Variants in AADACL2 observed in about 807,000 individuals in gnomAD.
The protein encoded by AADACL2 is arylacetamide deacetylase-like 2.
In AADACL2, 23 loss-of-function variants were observed where a neutral mutation model predicts 22.3. That is an observed-to-expected ratio of 1.03 (90% CI 0.74 to 1.46). AADACL2 has a LOEUF of 1.46. Ranked by LOEUF, AADACL2 falls within the 40% of genes most tolerant of loss-of-function variation. The pLI, the probability that AADACL2 is intolerant of heterozygous loss-of-function variation, is 0.00. For synonymous variants in AADACL2, 177 were observed against 166.2 expected (o/e 1.07, Z -0.50); for missense variants, 472 against 482.9 (o/e 0.98, Z 0.21).
intron 4 of AADACL2, among the ~76,000 whole-genome samples, chr3:151,748,897 G>A (rs1430083095): frequency 6.6e-6 from 1 of 152,082 alleles, no homozygotes; most frequent in Non-Finnish European, 1.5e-5. Flanking sequence ...CTGTTCCATT[G>A]GTCTATATGT....
intron 3 of AADACL2, among the ~76,000 whole-genome samples, chr3:151,744,675 A>G (rs1257106856): frequency 6.6e-6 from 1 of 152,222 alleles, no homozygotes; most frequent in Non-Finnish European, 1.5e-5. Context: ...TTTTAAATAA[A>G]GATACCAACA....
rs1440006824 is a variant in AADACL2 at position 151,758,465 on chromosome 3, TA to T, written c.*873del. ...TTTCCCCACCCTTTTCTATATAAAG[TA>T]ACCTTCAGAGATTAGGATGTAGTTA... is the stretch of plus-strand genomic sequence containing the variant. On this transcript the variant is annotated 3_prime_UTR_variant, in exon 5 of 5. Transcript: ENST00000356517. The T allele has an allele frequency of 2.0e-5, 3 of 152,116 alleles. No homozygotes were observed. The highest frequency in any genetic ancestry group is 7.2e-5 in the African/African-American group (3 of 41,436). The allele number at this position is 152,116 out of a possible 1,614,324, so 9.4% of individuals were successfully genotyped here.
chr3:151,734,245 T>A, intron 1 of AADACL2, 72 bp downstream of exon 1: 1 of 1,474,914 alleles, frequency 6.8e-7, no homozygotes, highest in Non-Finnish European at 9.1e-7. Flanking sequence ...GCTTATGAAC[T>A]CTTTTATTAA....
chr3:151,740,692 T>C lies in AADACL2; in HGVS notation c.185T>C (p.Ile62Thr), dbSNP rs758722784. 1.6e-5 allele frequency: 26 copies of C among 1,613,728 alleles called. No homozygotes were observed. Among genetic ancestry groups the C allele is most frequent in the Non-Finnish European group, 1.9e-5 (22 of 1,179,838 alleles). ...NMRIMRYEEF[I>T]SMIFRLDYTQ... ...CGTATTATGAGATATGAAGAGTTTATATCCATGATATTCAGGCTGGATTAT... is the reference window on the plus strand; with the variant it reads ...CGTATTATGAGATATGAAGAGTTTACATCCATGATATTCAGGCTGGATTAT... The change falls in exon 2 of 5, where the codon ATA (isoleucine) becomes ACA (threonine). Residue 62 changes from isoleucine (I) to threonine (T), a missense_variant. By Grantham distance (89) the Ile-to-Thr change is moderately conservative. Around this residue, in one of 3 missense-constraint regions of AADACL2, gnomAD observed 356 missense variants for 365.5 expected, o/e 0.97. Transcript: ENST00000356517.
intron 3 of AADACL2, 80 bp downstream of exon 3, chr3:151,744,242 G>A (rs768012081): frequency 2.3e-6 from 3 of 1,295,322 alleles, no homozygotes; most frequent in Non-Finnish European, 2.2e-6. Context: ...AGTCAGCTAT[G>A]CTTCAAATAT....
chr3:151,745,827 C>T (rs1713426054), intron 4 of AADACL2, 147 bp downstream of exon 4: 2 of 850,666 alleles, frequency 2.4e-6, no homozygotes, highest in Admixed American at 6.6e-5. Flanking sequence ...ATTTATTTAA[C>T]CTTAATGTGA....
At chr3:151,756,888 A>G (rs1326864690) in intron 4 of AADACL2, 104 bp from the exon 5 acceptor site, 2 of 999,368 alleles carry the variant, frequency 2.0e-6, no homozygotes, top group Non-Finnish European at 2.7e-6. Flanking sequence ...CATCACATCA[A>G]TTTATGTAGA....
Position 151,733,952 on chromosome 3 carries a change from C to A in AADACL2, c.-84C>A. 7.2e-7 allele frequency: 1 copy of A among 1,395,128 alleles called. No homozygotes were observed. The highest frequency in any genetic ancestry group is 9.6e-7 in the Non-Finnish European group (1 of 1,041,612). 86.4% of individuals were successfully genotyped at this position (1,395,128 alleles called of 1,614,324 possible). A position where few individuals can be genotyped will look rare whatever the true frequency, so the allele number is the denominator to read the frequency against. On this transcript the variant is annotated 5_prime_UTR_variant, in exon 1 of 5. Coordinates refer to ENST00000356517, the MANE Select transcript of AADACL2 (RefSeq NM_207365.4). ...ATATCACCTGAGAGAGTTCCCAAGT[C>A]TACAATTGCTCTACTAGTTACTATT...
intron 2 of AADACL2, among the ~76,000 whole-genome samples, chr3:151,743,562 C>G (rs779017313): frequency 2.0e-5 from 3 of 152,172 alleles, no homozygotes; most frequent in African/African-American, 7.2e-5. Flanking sequence ...TAGACTCTGT[C>G]TTAATGCCAA....
At position 151,759,670 on chromosome 3, in the gene AADACL2, T is replaced by C. The variant is rs1714080691; in HGVS notation, c.*2076T>C. The C allele has an allele frequency of 6.6e-6, 1 of 152,246 alleles. No individual in the cohort carries two copies. The highest frequency in any genetic ancestry group is 1.5e-5 in the Non-Finnish European group (1 of 68,040). 9.4% of individuals were successfully genotyped at this position (152,246 alleles called of 1,614,324 possible). A position where few individuals can be genotyped will look rare whatever the true frequency, so the allele number is the denominator to read the frequency against. On this transcript the variant is annotated 3_prime_UTR_variant, in exon 5 of 5. Transcript: ENST00000356517. ...TAAGGTAGGCCAGTCAATCCTTTTT[T>C]ATTTATTTTGTAAATTTGGTCCCAG...
At chr3:151,744,952 T>C (rs1713391164) in intron 3 of AADACL2, among the ~76,000 whole-genome samples, 1 of 152,170 alleles carries the variant, frequency 6.6e-6, no homozygotes, top group African/African-American at 2.4e-5. Context: ...CAAATGAATT[T>C]ACCAGAAATA....
Position 151,760,570 on chromosome 3 carries a change from G to A in AADACL2, c.*2976G>A, listed in dbSNP as rs1274888660. 6.6e-6 allele frequency: 1 copy of A among 152,382 alleles called. No individual in the cohort carries two copies. The highest frequency in any genetic ancestry group is 1.5e-5 in the Non-Finnish European group (1 of 68,012). 9.4% of individuals were successfully genotyped at this position (152,382 alleles called of 1,614,324 possible). A position where few individuals can be genotyped will look rare whatever the true frequency, so the allele number is the denominator to read the frequency against. On this transcript the variant is annotated 3_prime_UTR_variant, in exon 5 of 5. Coordinates refer to ENST00000356517, the MANE Select transcript of AADACL2 (RefSeq NM_207365.4). ...TGCCTGTGTCTCCTGGAAACATAAG[G>A]TGTAGGTTTCTGACACATATATCTA... is the stretch of plus-strand genomic sequence containing the variant.
At chr3:151,736,672 G>A (rs200732099) in intron 1 of AADACL2, among the ~76,000 whole-genome samples, 3 of 152,008 alleles carry the variant, frequency 2.0e-5, no homozygotes, top group Admixed American at 1.3e-4. Flanking sequence ...TTTTATGGTT[G>A]TATAGTATTT....
intron 1 of AADACL2, among the ~76,000 whole-genome samples, chr3:151,736,707 C>T (rs1713100649): frequency 6.6e-6 from 1 of 152,056 alleles, no homozygotes; most frequent in African/African-American, 2.4e-5. Flanking sequence ...GCCATATTTT[C>T]TTTATCTATT....
At chr3:151,746,045 A>C (rs1713432532) in intron 4 of AADACL2, among the ~76,000 whole-genome samples, 1 of 152,134 alleles carries the variant, frequency 6.6e-6, no homozygotes, top group Non-Finnish European at 1.5e-5. Flanking sequence ...GGGAGGATTG[A>C]CGTGTCAACA....
At chr3:151,747,112 G>A (rs1713477947) in intron 4 of AADACL2, among the ~76,000 whole-genome samples, 1 of 151,998 alleles carries the variant, frequency 6.6e-6, no homozygotes, top group Admixed American at 6.6e-5. Context: ...TTGAGGTACA[G>A]TTGAAAAGGA....
intron 4 of AADACL2, among the ~76,000 whole-genome samples, chr3:151,746,885 T>C (rs1713465393): frequency 6.7e-6 from 1 of 148,696 alleles, no homozygotes; most frequent in African/African-American, 2.5e-5. Flanking sequence ...TAATCTTTAA[T>C]TTTTAACACT....
chr3:151,749,511 C>A (rs1251720677), intron 4 of AADACL2, among the ~76,000 whole-genome samples: 2 of 151,926 alleles, frequency 1.3e-5, no homozygotes, highest in Non-Finnish European at 1.5e-5. Context: ...GAAACAGAGT[C>A]TCCCTCTGTT....
intron 1 of AADACL2, among the ~76,000 whole-genome samples, chr3:151,735,508 A>T (rs1713059102): frequency 6.6e-6 from 1 of 152,238 alleles, no homozygotes; most frequent in African/African-American, 2.4e-5. Flanking sequence ...TTGTAATTTC[A>T]GTACTTTGGG....
Sources: gnomAD v4.1 joint callset for allele counts (sites outside exome capture counted in the v4.1 genomes callset) on GRCh38, gnomAD v4.1.1 for gene constraint, gnomAD v4.1.1 regional missense constraint, MANE v1.5 for transcripts, NCBI Gene and HGNC (gene_info 2026-07-23, HGNC 2026-07-21) for gene names.